The following LFNG variants were observed in gnomAD, a reference collection of about 807,000 sequenced individuals.
LFNG encodes the protein LFNG O-fucosylpeptide 3-beta-N-acetylglucosaminyltransferase.
LFNG carries 15 observed loss-of-function variants against 32.7 expected under a neutral mutation model. The ratio of observed to expected loss-of-function variants is 0.46; its 90% confidence interval spans 0.31 to 0.71. The LOEUF is 0.71. Among genes scored for constraint, LFNG ranks in the 30% least tolerant of loss-of-function variants. The pLI, the probability that LFNG is intolerant of heterozygous loss-of-function variation, is 0.06. For missense variants in LFNG, 520 were observed against 545.7 expected, an observed-to-expected ratio of 0.95 and a Z score of 0.47; for synonymous variants, 274 against 246.8, an observed-to-expected ratio of 1.11 and a Z score of -1.03.
At chr7:2,519,561 C>CG (rs1027258010), upstream of LFNG, among the ~76,000 whole-genome samples, 109 of 149,876 alleles carry the variant, frequency 7.3e-4, no homozygotes, top group Middle Eastern at 3.4e-3. Context: ...CTACCCGGGG[C>CG]GGGGGGGGTG....
upstream of LFNG, among the ~76,000 whole-genome samples, chr7:2,519,416 T>G (rs558908365): frequency 3.9e-5 from 6 of 152,172 alleles, no homozygotes; most frequent in Non-Finnish European, 5.9e-5. Context: ...CCCTGCCCGC[T>G]GCGCCGAGGG....
At position 2,522,703 on chromosome 7, in the gene LFNG, C is replaced by T. The variant is rs58870728; in HGVS notation, c.433-1992C>T. On this transcript the variant is annotated intron_variant, in intron 1 of 7. Transcript: ENST00000222725. ...GGACTGGGCTGGTCTAGCACCGCCT[C>T]GGCCCCAGGGTATGACCTCAGGCTG... 5.5e-3 allele frequency among the ~76,000 whole-genome samples: 832 copies of T among 152,324 alleles called. 10 individuals are homozygous for T. Among genetic ancestry groups the T allele is most frequent in the African/African-American group, 0.019 (796 of 41,562 alleles).
In LFNG at chr7:2,527,684, C is replaced by A; in HGVS notation, c.*472C>A. ...CCCAAGTACGACTCACTGAGCCATG[C>A]TCATTGCAGGGGAGGCTGGGTCTGG... On this transcript the variant is annotated 3_prime_UTR_variant, in exon 8 of 8. Transcript: ENST00000222725. This position sits in a 1 kb window ranked among gnomAD's most constrained non-coding sequence, Gnocchi z 4.4. 9.1e-7 allele frequency: 1 copy of A among 1,098,556 alleles called. No homozygotes were observed. The highest frequency in any genetic ancestry group is 1.1e-6 in the Non-Finnish European group (1 of 894,950). 68.1% of individuals were successfully genotyped at this position (1,098,556 alleles called of 1,614,324 possible). A position where few individuals can be genotyped will look rare whatever the true frequency, so the allele number is the denominator to read the frequency against.
upstream of LFNG, chr7:2,513,275 G>A: frequency 6.2e-7 from 1 of 1,613,028 alleles, no homozygotes; most frequent in Non-Finnish European, 8.5e-7. Context: ...ATGGATGGAT[G>A]AGTGGAGCCC....
In LFNG at chr7:2,520,194, G is replaced by T. The variant is rs753496937; in HGVS notation, c.333G>T (p.Ala111=). The part of the protein sequence containing the change: ...GHPRPLAEPL[A]PRDVFIAVKT... ...CGCGCCCCCTGGCCGAGCCGCTCGCGCCCCGAGACGTCTTCATCGCTGTCA... is the reference window on the plus strand; with the variant it reads ...CGCGCCCCCTGGCCGAGCCGCTCGCTCCCCGAGACGTCTTCATCGCTGTCA... Residue 111 remains alanine (A), a synonymous_variant, in exon 1 of 8, where the codon GCG becomes GCT. Coordinates refer to ENST00000222725, the MANE Select transcript of LFNG (RefSeq NM_001040167.2). The surrounding 1 kb of genome is among the most constrained non-coding windows in gnomAD (Gnocchi z 5.0). The T allele has an allele frequency of 3.2e-6, 5 of 1,581,802 alleles. No homozygotes were observed. The Admixed American group carries it at 7.0e-5, about 22-fold the overall frequency.
chr7:2,517,971 G>A, upstream of LFNG: 2 of 1,089,362 alleles, frequency 1.8e-6, no homozygotes, highest in South Asian at 3.8e-5. Context: ...TGGGATGGGG[G>A]TGGAGGCTGC....
rs2128377694 is a variant in LFNG, at chr7:2,526,126, G to A, written c.822-118G>A. 4 of 1,073,288 alleles carry A rather than the reference G, an allele frequency of 3.7e-6. No homozygotes were observed. The highest frequency in any genetic ancestry group is 5.5e-6 in the Non-Finnish European group (4 of 732,216). 66.5% of individuals were successfully genotyped at this position (1,073,288 alleles called of 1,614,324 possible). A position where few individuals can be genotyped will look rare whatever the true frequency, so the allele number is the denominator to read the frequency against. ...GAGGCAGAGGGAGCTGCAGCCCAGA[G>A]CTCTCCTCAGGGCTCCTCTCCCTGA... On this transcript the variant is annotated intron_variant, in intron 5 of 7. Coordinates refer to ENST00000222725, the MANE Select transcript of LFNG (RefSeq NM_001040167.2). The surrounding 1 kb of genome is among the most constrained non-coding windows in gnomAD (Gnocchi z 6.9).
intron 1 of LFNG, among the ~76,000 whole-genome samples, chr7:2,521,043 G>A (rs1022457506): frequency 6.6e-6 from 1 of 152,192 alleles, no homozygotes; most frequent in Non-Finnish European, 1.5e-5. Flanking sequence ...GACTGGGGGG[G>A]TGTCTCTGGG....
At chr7:2,525,377 G>A (rs780677406) in intron 3 of LFNG, 37 bp from the exon 4 acceptor site, 19 of 1,612,362 alleles carry the variant, frequency 1.2e-5, no homozygotes, top group East Asian at 8.9e-5. Flanking sequence ...CGCCCGCCCC[G>A]GCATGCCCTC....
rs202052038 is a variant in LFNG, at chr7:2,525,454, C to T, written c.622C>T (p.Arg208Trp). ...HVDDDNYVNL[R>W]ALLRLLASYP... ...GGACGATGACAACTACGTCAACCTG[C>T]GGGCCCTGCTGCGGCTGCTGGCCAG... Residue 208 changes from arginine (R) to tryptophan (W), a missense_variant, in exon 4 of 8, where the codon CGG becomes TGG. This residue lies in a region of LFNG where 360 missense variants were observed against 354.7 expected (regional missense o/e 1.01). Coordinates refer to ENST00000222725, the MANE Select transcript of LFNG (RefSeq NM_001040167.2). The T allele has an allele frequency of 1.6e-5, 25 of 1,612,776 alleles. No individual in the cohort carries two copies. Among genetic ancestry groups the T allele is most frequent in the African/African-American group, 1.3e-4 (10 of 75,078 alleles).
rs1779759156 is a variant in LFNG at position 2,520,435 on chromosome 7, C to G, written c.432+142C>G. ...ATCTGTGGGCGACGCCAGTGCACCC[C>G]GGTGCACCCAGTTTGCCTGCTGGGG... is the stretch of plus-strand genomic sequence containing the variant. On this transcript the variant is annotated intron_variant, in intron 1 of 7. Coordinates refer to ENST00000222725, the MANE Select transcript of LFNG (RefSeq NM_001040167.2). This position sits in a 1 kb window ranked among gnomAD's most constrained non-coding sequence, Gnocchi z 5.0. The G allele has an allele frequency of 1.3e-5, 10 of 742,750 alleles. No individual in the cohort carries two copies. The highest frequency in any genetic ancestry group is 2.1e-5 in the Non-Finnish European group (10 of 476,100). The allele number at this position is 742,750 out of a possible 1,614,324, so 46.0% of individuals were successfully genotyped here.
Position 2,526,373 on chromosome 7 carries a change from C to T in LFNG, c.951C>T (p.Asn317=), listed in dbSNP as rs1464471879. Residue 317 remains asparagine (N), a synonymous_variant, in exon 6 of 8, where the codon AAC becomes AAT. Coordinates refer to ENST00000222725, the MANE Select transcript of LFNG (RefSeq NM_001040167.2). The surrounding 1 kb of genome is among the most constrained non-coding windows in gnomAD (Gnocchi z 6.9). The part of the protein sequence containing the change: ...RSGLFHSHLE[N]LQQVPTSELH... ...GCCTCTTCCACTCCCACCTGGAGAA[C>T]CTGCAGCAGGTGCCCACCTCGGAGC... is the stretch of plus-strand genomic sequence containing the variant. The T allele has an allele frequency of 6.2e-7, 1 of 1,611,306 alleles. No homozygotes were observed. Among genetic ancestry groups the T allele is most frequent in the Non-Finnish European group, 8.5e-7 (1 of 1,179,958 alleles).
upstream of LFNG, among the ~76,000 whole-genome samples, chr7:2,516,501 T>C (rs1779631563): frequency 6.6e-6 from 1 of 152,140 alleles, no homozygotes; most frequent in African/African-American, 2.4e-5. Flanking sequence ...GGGGACCTGG[T>C]GGCACTGACT....
At position 2,520,625 on chromosome 7, in the gene LFNG, A is replaced by G. The variant is rs1024037574; in HGVS notation, c.432+332A>G. Among the ~76,000 whole-genome samples the G allele has an allele frequency of 3.3e-5, 5 of 152,220 alleles. No homozygotes were observed. Among genetic ancestry groups the G allele is most frequent in the Non-Finnish European group, 5.9e-5 (4 of 68,032 alleles). On this transcript the variant is annotated intron_variant, in intron 1 of 7. Coordinates refer to ENST00000222725, the MANE Select transcript of LFNG (RefSeq NM_001040167.2). The surrounding 1 kb of genome is among the most constrained non-coding windows in gnomAD (Gnocchi z 5.0). ...CATTGGAGCGCATTCATAGGGCATT[A>G]TGTCCTCAAACTTCCACAAGCAAAT...
chr7:2,515,104 G>A (rs1779593327), upstream of LFNG, among the ~76,000 whole-genome samples: 1 of 148,934 alleles, frequency 6.7e-6, no homozygotes, highest in Non-Finnish European at 1.5e-5. Context: ...CCGTCTGTCT[G>A]TCTGCCCATC....
Position 2,519,963 on chromosome 7 carries a change from C to A in LFNG, c.102C>A (p.Pro34=). The stretch of plus-strand genomic sequence containing the variant: ...CCGACCCGCCGCCGCCTCCACTGCC[C>A]GCCGAGCGCGGCCGGCGCGCGCTGC... The part of the protein sequence containing the change: ...LTADPPPPPL[P]AERGRRALRS... The change falls in exon 1 of 8, where the codon CCC becomes CCA. Residue 34 remains proline, a synonymous_variant. Coordinates refer to ENST00000222725, the MANE Select transcript of LFNG (RefSeq NM_001040167.2). 3.0e-6 allele frequency: 3 copies of A among 989,028 alleles called. No homozygotes were observed. The highest frequency in any genetic ancestry group is 4.6e-5 in the South Asian group (1 of 21,920). The allele number at this position is 989,028 out of a possible 1,614,324, so 61.3% of individuals were successfully genotyped here. A position where few individuals can be genotyped will look rare whatever the true frequency, so the allele number is the denominator to read the frequency against.
At chr7:2,517,940 AG>A (rs1307348126), upstream of LFNG, 1 of 1,151,556 alleles carries the variant, frequency 8.7e-7, no homozygotes, top group African/African-American at 1.6e-5. Flanking sequence ...GAATAAGTAA[AG>A]CAGGTAGGAT....
rs1037998011 is a variant in LFNG at position 2,526,746 on chromosome 7, C to A, written c.988-90C>A. The A allele has an allele frequency of 6.6e-6, 8 of 1,215,526 alleles. No individual in the cohort carries two copies. Among genetic ancestry groups the A allele is most frequent in the Non-Finnish European group, 9.7e-6 (8 of 826,546 alleles). 75.3% of individuals were successfully genotyped at this position (1,215,526 alleles called of 1,614,324 possible). A position where few individuals can be genotyped will look rare whatever the true frequency, so the allele number is the denominator to read the frequency against. The stretch of plus-strand genomic sequence containing the variant: ...GGTCCAAGGGAGGCCAGGGCAGGGC[C>A]GTTGCCTCACTCAGGGCTGTGTGGC... On this transcript the variant is annotated intron_variant, in intron 6 of 7. Coordinates refer to ENST00000222725, the MANE Select transcript of LFNG (RefSeq NM_001040167.2). The surrounding 1 kb of genome is among the most constrained non-coding windows in gnomAD (Gnocchi z 6.9).
Position 2,526,745 on chromosome 7 carries a change from C to T in LFNG, c.988-91C>T, listed in dbSNP as rs1173135051. 8.3e-7 allele frequency: 1 copy of T among 1,201,450 alleles called. No homozygotes were observed. The highest frequency in any genetic ancestry group is 1.2e-6 in the Non-Finnish European group (1 of 814,100). The allele number at this position is 1,201,450 out of a possible 1,614,324, so 74.4% of individuals were successfully genotyped here. A position where few individuals can be genotyped will look rare whatever the true frequency, so the allele number is the denominator to read the frequency against. ...AGGTCCAAGGGAGGCCAGGGCAGGG[C>T]CGTTGCCTCACTCAGGGCTGTGTGG... On this transcript the variant is annotated intron_variant, in intron 6 of 7. Coordinates refer to ENST00000222725, the MANE Select transcript of LFNG (RefSeq NM_001040167.2). This position sits in a 1 kb window ranked among gnomAD's most constrained non-coding sequence, Gnocchi z 6.9.
Sources: allele counts gnomAD v4.1 joint callset (sites outside exome capture counted in the v4.1 genomes callset), GRCh38; gene constraint gnomAD v4.1.1; regional missense constraint gnomAD v4.1.1; non-coding constraint Gnocchi (gnomAD v3.1); transcripts MANE v1.5; gene names NCBI Gene and HGNC (gene_info 2026-07-23, HGNC 2026-07-21).